DIAPH3: variants seen among roughly 807,000 people sequenced by gnomAD.
The protein encoded by DIAPH3 is protein diaphanous homolog 3.
A neutral mutation model predicts 144.3 loss-of-function variants in DIAPH3; 117 were observed. The ratio of observed to expected loss-of-function variants is 0.81; its 90% CI spans 0.70 to 0.95. DIAPH3 has a LOEUF of 0.95. DIAPH3 is among the 40% of genes least tolerant of loss of function. The probability of loss-of-function intolerance (pLI) is 0.00; values close to 1 mark genes in which losing one functional copy is unlikely to be tolerated. For missense variants in DIAPH3, 1,421 were observed against 1,412.7 expected (o/e 1.01, Z -0.09); for synonymous variants, 519 against 488.9 (o/e 1.06, Z -0.81).
At chr13:59,816,638 G>T (rs1388561470) in intron 24 of DIAPH3, among the ~76,000 whole-genome samples, 3 of 151,024 alleles carry the variant, frequency 2.0e-5, no homozygotes, top group African/African-American at 7.3e-5. Context: ...CCTCCTTCTG[G>T]TTTCTCTAGG....
chr13:59,768,741 CA>C (rs1468313780), intron 27 of DIAPH3, among the ~76,000 whole-genome samples: 1 of 151,890 alleles, frequency 6.6e-6, no homozygotes. Flanking sequence ...TGCCTGGAGG[CA>C]ATACAATCTT....
At chr13:60,040,227 A>AG in intron 5 of DIAPH3, among the ~76,000 whole-genome samples, 1 of 33,902 alleles carries the variant, frequency 2.9e-5, no homozygotes, top group Non-Finnish European at 7.9e-5. Flanking sequence ...ACTCCATCTC[A>AG]AAAAAAAAAA....
chr13:59,977,991 A>C (rs548497959), intron 14 of DIAPH3, among the ~76,000 whole-genome samples: 11 of 151,836 alleles, frequency 7.2e-5, no homozygotes, highest in Non-Finnish European at 1.3e-4. Context: ...CAGATTAGAC[A>C]TCACTTCCTT....
At chr13:60,033,629 G>A (rs2054974274) in intron 5 of DIAPH3, among the ~76,000 whole-genome samples, 1 of 152,148 alleles carries the variant, frequency 6.6e-6, no homozygotes, top group Admixed American at 6.5e-5. Context: ...CTATTGCAAA[G>A]ACAGCACCAA....
intron 1 of DIAPH3, among the ~76,000 whole-genome samples, chr13:60,136,912 C>G (rs1026909795): frequency 3.3e-5 from 5 of 151,572 alleles, no homozygotes; most frequent in Admixed American, 6.6e-5. Flanking sequence ...TGCACTCCAG[C>G]CTGGGCGACA....
chr13:59,896,075 G>A (rs2046076560), intron 20 of DIAPH3, among the ~76,000 whole-genome samples: 1 of 152,110 alleles, frequency 6.6e-6, no homozygotes, highest in Non-Finnish European at 1.5e-5. Context: ...ACAGTGTGGT[G>A]GAAACAAAAT....
intron 22 of DIAPH3, among the ~76,000 whole-genome samples, chr13:59,847,587 A>G (rs1054758905): frequency 6.6e-6 from 1 of 152,236 alleles, no homozygotes; most frequent in Non-Finnish European, 1.5e-5. Context: ...ACCATGGTAT[A>G]AATATTACAT....
At chr13:60,043,479 T>C (rs548915857) in intron 4 of DIAPH3, among the ~76,000 whole-genome samples, 1 of 152,210 alleles carries the variant, frequency 6.6e-6, no homozygotes, top group Non-Finnish European at 1.5e-5. Context: ...AGAAAGGAAT[T>C]AACTTCCAGA....
intron 27 of DIAPH3, among the ~76,000 whole-genome samples, chr13:59,720,057 C>A (rs2035260023): frequency 6.6e-6 from 1 of 152,144 alleles, no homozygotes; most frequent in South Asian, 2.1e-4. Flanking sequence ...TGTGATTTTG[C>A]TGTCATGGGA....
intron 2 of DIAPH3, among the ~76,000 whole-genome samples, chr13:60,125,714 T>G (rs1402191379): frequency 2.6e-5 from 4 of 152,152 alleles, no homozygotes; most frequent in Non-Finnish European, 5.9e-5. Context: ...ATAAAACAGT[T>G]GCAATTAAGC....
chr13:59,852,596 C>T (rs1448608557), intron 22 of DIAPH3, among the ~76,000 whole-genome samples: 3 of 152,148 alleles, frequency 2.0e-5, no homozygotes, highest in Non-Finnish European at 4.4e-5. Context: ...AATTCCATTC[C>T]CTATGTTAGT....
intron 25 of DIAPH3, among the ~76,000 whole-genome samples, chr13:59,807,776 T>C (rs1433231050): frequency 6.6e-6 from 1 of 152,030 alleles, no homozygotes; most frequent in African/African-American, 2.4e-5. Context: ...TCAAATAAGA[T>C]GAGCTCTATG....
In DIAPH3 at chr13:59,805,175, C is replaced by T. The variant is rs1481113532; in HGVS notation, c.3163+5613G>A. ...AGTTTTTATTGCTCCATTAAATAAG[C>T]TCTTATTTACTTCCCCCACAAAACA... On this transcript the variant is annotated intron_variant, in intron 25 of 27. Coordinates refer to ENST00000400324, the MANE Select transcript of DIAPH3 (RefSeq NM_001042517.2). Among the ~76,000 whole-genome samples, 3 of 152,034 alleles carry T rather than the reference C, an allele frequency of 2.0e-5. No individual in the cohort carries two copies. In the East Asian group the frequency reaches 5.8e-4, roughly 29 times the overall value.
intron 27 of DIAPH3, among the ~76,000 whole-genome samples, chr13:59,705,684 C>A (rs7987251): frequency 6.6e-6 from 1 of 151,922 alleles, no homozygotes; most frequent in African/African-American, 2.4e-5. Flanking sequence ...AGTCTTATGG[C>A]TGAACATATA....
chr13:59,964,575 A>G (rs886764589), intron 17 of DIAPH3, among the ~76,000 whole-genome samples: 1 of 152,080 alleles, frequency 6.6e-6, no homozygotes, highest in Non-Finnish European at 1.5e-5. Flanking sequence ...GTGGACTTGC[A>G]AGTCTTCCTT....
At chr13:59,951,083 CTTAACTA>C (rs1403344268) in intron 17 of DIAPH3, among the ~76,000 whole-genome samples, 1 of 151,936 alleles carries the variant, frequency 6.6e-6, no homozygotes, top group African/African-American at 2.4e-5. Flanking sequence ...TTTATGTGTA[CTTAACTA>C]TTAAGACACT....
chr13:59,758,430 G>T (rs1443832959), intron 27 of DIAPH3, among the ~76,000 whole-genome samples: 3 of 152,124 alleles, frequency 2.0e-5, no homozygotes, highest in African/African-American at 7.2e-5. Flanking sequence ...CCTATTTTTG[G>T]AAAGAACAAG....
intron 3 of DIAPH3, among the ~76,000 whole-genome samples, chr13:60,094,902 AAC>A (rs2058059412): frequency 6.6e-6 from 1 of 152,216 alleles, no homozygotes; most frequent in African/African-American, 2.4e-5. Flanking sequence ...TCTAGTTAGA[AAC>A]ACAAACATCC....
chr13:59,845,351 C>G (rs2139811222), intron 22 of DIAPH3, among the ~76,000 whole-genome samples: 1 of 152,188 alleles, frequency 6.6e-6, no homozygotes, highest in African/African-American at 2.4e-5. Context: ...TGACTTAACA[C>G]TTTTAAAGTC....
Sources: gnomAD v4.1 joint callset for allele counts (sites outside exome capture counted in the v4.1 genomes callset) on GRCh38, gnomAD v4.1.1 for gene constraint, MANE v1.5 for transcripts, NCBI Gene and HGNC (gene_info 2026-07-23, HGNC 2026-07-21) for gene names.